The following PLSCR4 variants were observed in gnomAD, a reference collection of about 807,000 sequenced individuals.
PLSCR4 encodes the protein Ca(2+)-dependent phospholipid scramblase 4.
Under a neutral mutation model 36.3 loss-of-function variants are expected in PLSCR4, and 25 were observed. That is an observed-to-expected ratio of 0.69 (90% CI 0.50 to 0.96). The LOEUF is 0.96. Among genes scored for constraint, PLSCR4 ranks in the 40% least tolerant of loss-of-function variants. PLSCR4 has a pLI of 0.00. For missense variants in PLSCR4, 408 were observed against 414.7 expected (o/e 0.98, Z 0.14); for synonymous variants, 122 against 132.9 (o/e 0.92, Z 0.56).
intron 1 of PLSCR4, among the ~76,000 whole-genome samples, chr3:146,240,767 C>A (rs1364498492): frequency 6.6e-6 from 1 of 152,124 alleles, no homozygotes; most frequent in Non-Finnish European, 1.5e-5. Context: ...ATCAGTCTGG[C>A]AGTTCCTCAA....
At chr3:146,246,618 C>A (rs912536694) in intron 1 of PLSCR4, among the ~76,000 whole-genome samples, 1 of 151,932 alleles carries the variant, frequency 6.6e-6, no homozygotes, top group Non-Finnish European at 1.5e-5. Context: ...AATATCAGAA[C>A]AATATTCTCA....
intron 6 of PLSCR4, 144 bp from the exon 7 acceptor site, chr3:146,196,937 C>T: frequency 1.4e-6 from 1 of 700,832 alleles, no homozygotes; most frequent in South Asian, 2.1e-5. Flanking sequence ...TCCATCTCAC[C>T]CAGGCCATTC....
rs576214407 is a variant in PLSCR4, at chr3:146,196,419, A to T, written c.786+213T>A. On this transcript the variant is annotated intron_variant, in intron 7 of 8. Coordinates refer to ENST00000354952, the MANE Select transcript of PLSCR4 (RefSeq NM_020353.3). ...AAATGATTTCTTTTTATTTTTATCA[A>T]GTACTGAAGTCATAAAAAAAGCTTT... 2.8e-5 allele frequency: 14 copies of T among 498,562 alleles called. No individual in the cohort carries two copies. The South Asian group carries it at 4.5e-4, about 16-fold the overall frequency. The allele number at this position is 498,562 out of a possible 1,614,324, so 30.9% of individuals were successfully genotyped here.
chr3:146,231,375 C>A (rs548706087), intron 1 of PLSCR4, among the ~76,000 whole-genome samples: 2 of 152,074 alleles, frequency 1.3e-5, no homozygotes, highest in East Asian at 3.9e-4. Context: ...TGGTATGTAC[C>A]CAGTGATGGG....
At chr3:146,221,653 T>C (rs140588302) in intron 2 of PLSCR4, among the ~76,000 whole-genome samples, 16 of 152,306 alleles carry the variant, frequency 1.1e-4, no homozygotes, top group African/African-American at 3.8e-4. Flanking sequence ...ATAAATGTGG[T>C]TTTTCTCTCT....
intron 1 of PLSCR4, among the ~76,000 whole-genome samples, chr3:146,234,345 A>G (rs2035831431): frequency 6.6e-6 from 1 of 152,182 alleles, no homozygotes; most frequent in African/African-American, 2.4e-5. Flanking sequence ...AAGCTCAAAA[A>G]CAGCTGGAAA....
At chr3:146,235,611 C>T (rs1033800793) in intron 1 of PLSCR4, among the ~76,000 whole-genome samples, 1 of 152,092 alleles carries the variant, frequency 6.6e-6, no homozygotes, top group Non-Finnish European at 1.5e-5. Context: ...TATAAAGATA[C>T]CTGAAAATGT....
At chr3:146,218,269 C>A (rs1034281676) in intron 3 of PLSCR4, among the ~76,000 whole-genome samples, 7 of 151,838 alleles carry the variant, frequency 4.6e-5, no homozygotes, top group Non-Finnish European at 1.5e-5. Flanking sequence ...ATATCCATAC[C>A]TTCTTTTTTT....
At chr3:146,213,147 C>T (rs2903478) in intron 3 of PLSCR4, among the ~76,000 whole-genome samples, 114,409 of 151,766 alleles carry the variant, frequency 0.75, 43,212 homozygotes, top group South Asian at 0.81. Context: ...TGAGAAAGTC[C>T]GATTCTATAT....
intron 1 of PLSCR4, among the ~76,000 whole-genome samples, chr3:146,248,661 A>G (rs910029345): frequency 3.9e-5 from 6 of 152,194 alleles, no homozygotes; most frequent in African/African-American, 1.4e-4. Flanking sequence ...ATCAATGGCT[A>G]CAGAGCTGTA....
chr3:146,227,065 T>C (rs1267366391), intron 1 of PLSCR4, among the ~76,000 whole-genome samples: 1 of 152,206 alleles, frequency 6.6e-6, no homozygotes, highest in Non-Finnish European at 1.5e-5. Context: ...AGCATGAATG[T>C]TGTTAACTTA....
intron 1 of PLSCR4, among the ~76,000 whole-genome samples, chr3:146,237,450 C>A (rs2035962974): frequency 6.6e-6 from 1 of 152,060 alleles, no homozygotes; most frequent in African/African-American, 2.4e-5. Flanking sequence ...GCATATGAAA[C>A]ATTCTCCAAG....
intron 3 of PLSCR4, among the ~76,000 whole-genome samples, chr3:146,214,558 G>T (rs1553752178): frequency 6.6e-6 from 1 of 151,076 alleles, no homozygotes; most frequent in Admixed American, 6.6e-5. Context: ...TGTGTGTGAT[G>T]TTTTTTTTGC....
chr3:146,232,047 G>A (rs78139595), intron 1 of PLSCR4, among the ~76,000 whole-genome samples: 2,570 of 152,148 alleles, frequency 0.017, 78 homozygotes, highest in African/African-American at 0.058. Flanking sequence ...ATGAAAGGAC[G>A]GTGTACAGTT....
chr3:146,218,446 CATTTAG>C (rs1354956167), intron 3 of PLSCR4, among the ~76,000 whole-genome samples: 1 of 151,276 alleles, frequency 6.6e-6, no homozygotes, highest in Non-Finnish European at 1.5e-5. Flanking sequence ...AAAAAATTGC[CATTTAG>C]ATTTTGAGGC....
intron 4 of PLSCR4, among the ~76,000 whole-genome samples, chr3:146,202,075 T>G (rs991558957): frequency 1.6e-4 from 25 of 151,894 alleles, no homozygotes; most frequent in African/African-American, 6.0e-4. Flanking sequence ...TATGGTGTGA[T>G]TAATTACAGG....
intron 1 of PLSCR4, among the ~76,000 whole-genome samples, chr3:146,223,218 G>A (rs2035254207): frequency 6.6e-6 from 1 of 152,146 alleles, no homozygotes. Context: ...AACAAGGAAT[G>A]AGGGTGAAGG....
chr3:146,234,757 T>C (rs2035848305), intron 1 of PLSCR4, among the ~76,000 whole-genome samples: 1 of 152,192 alleles, frequency 6.6e-6, no homozygotes, highest in Non-Finnish European at 1.5e-5. Flanking sequence ...ACTCCTCAGC[T>C]AATCCAGGAG....
chr3:146,213,864 T>C (rs930839407), intron 3 of PLSCR4, among the ~76,000 whole-genome samples: 12 of 152,270 alleles, frequency 7.9e-5, no homozygotes, highest in Admixed American at 5.2e-4. Context: ...AATTTCTCTA[T>C]GGTAAAAGCC....
Sources: allele counts gnomAD v4.1 joint callset (sites outside exome capture counted in the v4.1 genomes callset), GRCh38; gene constraint gnomAD v4.1.1; transcripts MANE v1.5; gene names NCBI Gene and HGNC (gene_info 2026-07-23, HGNC 2026-07-21).